The following SETD2 variants were observed in gnomAD, a reference collection of about 807,000 sequenced individuals.
SETD2 encodes histone-lysine N-methyltransferase SETD2.
A neutral mutation model predicts 242.1 loss-of-function variants in SETD2; 31 were observed. That is an observed-to-expected ratio of 0.13 (90% confidence interval 0.10 to 0.17). The LOEUF (loss-of-function observed/expected upper bound fraction) is 0.17. SETD2 is among the 10% of genes least tolerant of loss of function. The probability of loss-of-function intolerance (pLI) is 1.00; values close to 1 mark genes in which losing one functional copy is unlikely to be tolerated. For missense variants in SETD2, 2,481 were observed against 3,046.3 expected (o/e 0.81, Z 4.37); for synonymous variants, 1,006 against 1,066.5 (o/e 0.94, Z 1.11).
intron 18 of SETD2, among the ~76,000 whole-genome samples, chr3:47,027,865 C>G (rs1432303952): frequency 3.3e-5 from 5 of 150,872 alleles, no homozygotes; most frequent in Non-Finnish European, 5.9e-5. Context: ...GATCTCGGCT[C>G]ACTGCAACCT....
chr3:47,157,603 G>A (rs940070294), intron 1 of SETD2: 19 of 453,442 alleles, frequency 4.2e-5, no homozygotes, highest in Admixed American at 2.1e-4. Context: ...CAGGGGCGTG[G>A]TGGCTCATGC....
intron 1 of SETD2, among the ~76,000 whole-genome samples, chr3:47,154,913 G>A (rs954882278): frequency 1.3e-5 from 2 of 151,946 alleles, no homozygotes; most frequent in Admixed American, 6.6e-5. Flanking sequence ...AGAATGGCGT[G>A]AGCCCAGGAG....
chr3:47,062,661 T>C (rs929200582), intron 13 of SETD2, among the ~76,000 whole-genome samples: 2 of 152,244 alleles, frequency 1.3e-5, no homozygotes, highest in Non-Finnish European at 2.9e-5. Context: ...CCATTACATT[T>C]AGCAAGGCAG....
chr3:47,098,359 AT>A (rs1347046814), intron 8 of SETD2: 12 of 256,248 alleles, frequency 4.7e-5, no homozygotes, highest in Non-Finnish European at 8.3e-5. Flanking sequence ...TAATATGAAA[AT>A]AAGAGATCAT....
At position 47,017,529 on chromosome 3, in the gene SETD2, C is replaced by T. The variant is rs1258729168; in HGVS notation, c.7533+109G>A. On this transcript the variant is annotated intron_variant, in intron 20 of 20. Coordinates refer to ENST00000409792, the MANE Select transcript of SETD2 (RefSeq NM_014159.7). The surrounding 1 kb of genome is among the most constrained non-coding windows in gnomAD (Gnocchi z 4.8). ...CCCGTTCCTGGGTCCCCAGCTCTGA[C>T]ATCTGACAAGAAAAAAAAAAATACT... 1.3e-5 allele frequency: 11 copies of T among 863,310 alleles called. No homozygotes were observed. The highest frequency in any genetic ancestry group is 4.6e-5 in the Admixed American group (2 of 43,302). The allele number at this position is 863,310 out of a possible 1,614,324, so 53.5% of individuals were successfully genotyped here.
chr3:47,118,177 T>C (rs534427077), intron 3 of SETD2, among the ~76,000 whole-genome samples: 9 of 152,360 alleles, frequency 5.9e-5, no homozygotes, highest in Non-Finnish European at 1.2e-4. Flanking sequence ...ATGAATATGC[T>C]TAGCCTGAAG....
intron 11 of SETD2, among the ~76,000 whole-genome samples, 199 bp from the exon 12 acceptor site, chr3:47,084,581 C>T (rs533821074): frequency 4.6e-5 from 7 of 151,890 alleles, no homozygotes; most frequent in Admixed American, 2.6e-4. Context: ...CTAGCTGCCA[C>T]GCCTGGCTAA....
At chr3:47,019,728 G>T in intron 19 of SETD2, 32 bp downstream of exon 19, 2 of 1,551,576 alleles carry the variant, frequency 1.3e-6, no homozygotes, top group Non-Finnish European at 1.8e-6. Context: ...TTAAGCCTGA[G>T]GAGCTTAGTG....
chr3:47,062,377 T>G (rs200150790), intron 13 of SETD2, 31 bp from the exon 14 acceptor site: 43,186 of 1,555,326 alleles, frequency 0.028, 1,849 homozygotes, highest in Admixed American at 0.18. Flanking sequence ...GTTTGTTTTT[T>G]TTTTTTTTAA....
At chr3:47,110,727 T>C (rs754355252) in intron 5 of SETD2, among the ~76,000 whole-genome samples, 1 of 152,180 alleles carries the variant, frequency 6.6e-6, no homozygotes, top group Admixed American at 6.5e-5. Context: ...CACATCATCA[T>C]GTGGCAGTTA....
intron 12 of SETD2, among the ~76,000 whole-genome samples, chr3:47,075,457 C>T (rs910723074): frequency 3.4e-5 from 5 of 149,128 alleles, no homozygotes; most frequent in Non-Finnish European, 7.4e-5. Context: ...CCAGCTACTC[C>T]GGAGGCTGAA....
chr3:47,055,094 A>C (rs1437406351), intron 15 of SETD2, among the ~76,000 whole-genome samples: 1 of 152,238 alleles, frequency 6.6e-6, no homozygotes. Context: ...ACTTCAAGTC[A>C]AGACAAATAT....
chr3:47,060,973 C>A (rs1290470078), intron 14 of SETD2, among the ~76,000 whole-genome samples: 1 of 152,060 alleles, frequency 6.6e-6, no homozygotes, highest in Non-Finnish European at 1.5e-5. Flanking sequence ...CCTGTAATCC[C>A]GCACTTTGGG....
intron 18 of SETD2, among the ~76,000 whole-genome samples, chr3:47,032,104 G>C (rs1222044455): frequency 2.0e-5 from 3 of 152,108 alleles, no homozygotes; most frequent in Non-Finnish European, 2.9e-5. Context: ...GGCATGTAAT[G>C]TTTTCATATT....
chr3:47,050,072 C>T (rs1393060645), intron 15 of SETD2, among the ~76,000 whole-genome samples: 2 of 149,472 alleles, frequency 1.3e-5, no homozygotes, highest in Admixed American at 1.3e-4. Flanking sequence ...CCAAGTATTT[C>T]ATAGATCAGT....
intron 18 of SETD2, among the ~76,000 whole-genome samples, chr3:47,035,848 T>C (rs941101978): frequency 6.6e-6 from 1 of 152,248 alleles, no homozygotes; most frequent in Non-Finnish European, 1.5e-5. Context: ...TTTTTGTTTG[T>C]ATTTAAGCTT....
At chr3:47,140,026 C>T (rs1323964975) in intron 1 of SETD2, among the ~76,000 whole-genome samples, 2 of 152,052 alleles carry the variant, frequency 1.3e-5, no homozygotes, top group Non-Finnish European at 2.9e-5. Context: ...ATTCTTACAC[C>T]CCAAAAATAG....
intron 11 of SETD2, among the ~76,000 whole-genome samples, chr3:47,085,243 G>A (rs1227806361): frequency 6.6e-6 from 1 of 152,158 alleles, no homozygotes; most frequent in Admixed American, 6.5e-5. Context: ...TTCTCTACCA[G>A]TAGTTCCTAA....
intron 1 of SETD2, among the ~76,000 whole-genome samples, chr3:47,143,851 C>G (rs930018377): frequency 6.6e-6 from 1 of 152,130 alleles, no homozygotes; most frequent in Non-Finnish European, 1.5e-5. Context: ...GCTGGGACTA[C>G]AGACACCCAC....
Sources: allele counts gnomAD v4.1 joint callset (sites outside exome capture counted in the v4.1 genomes callset), GRCh38; gene constraint gnomAD v4.1.1; non-coding constraint Gnocchi (gnomAD v3.1); transcripts MANE v1.5; gene names NCBI Gene and HGNC (gene_info 2026-07-23, HGNC 2026-07-21).